SASH1: variants seen among roughly 807,000 people sequenced by gnomAD.
The protein encoded by SASH1 is SAM and SH3 domain-containing protein 1.
A neutral mutation model predicts 125.2 loss-of-function variants in SASH1; 44 were observed. The ratio of observed to expected loss-of-function variants is 0.35; its 90% CI spans 0.28 to 0.45. SASH1 has a LOEUF of 0.45. Among genes scored for constraint, SASH1 ranks in the 20% least tolerant of loss-of-function variants. The pLI is 1.00. For synonymous variants in SASH1, 639 were observed against 649.1 expected (o/e 0.98, Z 0.24); for missense variants, 1,426 against 1,614.5 (o/e 0.88, Z 2.00).
intron 4 of SASH1, among the ~76,000 whole-genome samples, chr6:148,455,130 A>G (rs1219225503): frequency 6.6e-6 from 1 of 152,196 alleles, no homozygotes; most frequent in Non-Finnish European, 1.5e-5. Context: ...AGGCCAAGCC[A>G]GTGGTTGCAA....
At chr6:148,332,194 T>TG (rs1370515078) in intron 1 of SASH1, among the ~76,000 whole-genome samples, 2 of 151,624 alleles carry the variant, frequency 1.3e-5, no homozygotes, top group Non-Finnish European at 2.9e-5. Flanking sequence ...AAGGCATTTG[T>TG]GGGGGAAAAA....
intron 2 of SASH1, among the ~76,000 whole-genome samples, chr6:148,394,627 T>A (rs1034410618): frequency 6.6e-6 from 1 of 152,160 alleles, no homozygotes; most frequent in African/African-American, 2.4e-5. Context: ...CTTTCTCTCT[T>A]TCTCTATCTC....
At chr6:148,427,051 G>A (rs1253059575) in intron 2 of SASH1, among the ~76,000 whole-genome samples, 1 of 152,054 alleles carries the variant, frequency 6.6e-6, no homozygotes, top group Non-Finnish European at 1.5e-5. Context: ...CTGAGGCAGG[G>A]GAATCACTTG....
At chr6:148,463,046 A>G (rs1027349963) in intron 4 of SASH1, among the ~76,000 whole-genome samples, 1 of 152,074 alleles carries the variant, frequency 6.6e-6, no homozygotes, top group African/African-American at 2.4e-5. Flanking sequence ...CTCCTACTCT[A>G]TGGTCTTACG....
intron 1 of SASH1, among the ~76,000 whole-genome samples, chr6:148,307,094 T>TTCTTTC (rs1240787953): frequency 8.3e-6 from 1 of 120,694 alleles, no homozygotes; most frequent in Admixed American, 8.8e-5. Context: ...CTTTCTTTCT[T>TTCTTTC]TCTCTCTCTC....
At chr6:148,437,957 C>A (rs1171086154) in intron 2 of SASH1, among the ~76,000 whole-genome samples, 1 of 151,890 alleles carries the variant, frequency 6.6e-6, no homozygotes, top group Non-Finnish European at 1.5e-5. Context: ...AAAATCTATT[C>A]AAAAAAATGC....
At chr6:148,461,459 G>C (rs1334286683) in intron 4 of SASH1, among the ~76,000 whole-genome samples, 1 of 152,142 alleles carries the variant, frequency 6.6e-6, no homozygotes, top group Non-Finnish European at 1.5e-5. Context: ...GCCAGATTTT[G>C]GCAATAGAAT....
chr6:148,387,614 T>TTCTCTCTC (rs1783477452), intron 1 of SASH1, among the ~76,000 whole-genome samples: 2 of 24,416 alleles, frequency 8.2e-5, no homozygotes, highest in Non-Finnish European at 1.6e-4. Context: ...CTTTCTTTCT[T>TTCTCTCTC]TCTTTCTTTC....
At chr6:148,212,064 G>A in the SASH1 span, among the ~76,000 whole-genome samples, 910 of 152,280 alleles carry the variant, frequency 6.0e-3, 6 homozygotes, top group African/African-American at 0.02. Flanking sequence ...ACCAACCAGC[G>A]TCACTGGGAG....
the SASH1 span, among the ~76,000 whole-genome samples, chr6:148,251,119 T>C: frequency 1.3e-5 from 2 of 152,290 alleles, no homozygotes; most frequent in East Asian, 3.9e-4. Flanking sequence ...CAGTGTAACA[T>C]CAAGTAGTTC....
At chr6:148,539,169 C>T (rs564478709) in intron 16 of SASH1, among the ~76,000 whole-genome samples, 5 of 152,060 alleles carry the variant, frequency 3.3e-5, no homozygotes, top group Admixed American at 2.6e-4. Context: ...AAGCCTTCCT[C>T]AGAATGAGGT....
chr6:148,410,348 A>G lies in SASH1; in HGVS notation c.285+20086A>G, dbSNP rs919169600. On this transcript the variant is annotated intron_variant, in intron 2 of 19. Coordinates refer to ENST00000367467, the MANE Select transcript of SASH1 (RefSeq NM_015278.5). ...CTGGTCTCGAACCCCTGACCTTGTGATCTGCCTGCCTCGGCCTCCCAACAG... is the reference window on the plus strand; with the variant it reads ...CTGGTCTCGAACCCCTGACCTTGTGGTCTGCCTGCCTCGGCCTCCCAACAG... 3.9e-5 allele frequency among the ~76,000 whole-genome samples: 6 copies of G among 151,998 alleles called. No homozygotes were observed. In the East Asian group the frequency reaches 5.9e-4, roughly 15 times the overall value.
intron 1 of SASH1, among the ~76,000 whole-genome samples, chr6:148,281,307 G>T (rs953386625): frequency 6.6e-6 from 1 of 152,032 alleles, no homozygotes; most frequent in South Asian, 2.1e-4. Flanking sequence ...CAACAGCCTG[G>T]AGATTCTGAG....
chr6:148,279,506 A>C (rs957114927), intron 1 of SASH1, among the ~76,000 whole-genome samples: 7 of 152,222 alleles, frequency 4.6e-5, no homozygotes, highest in Non-Finnish European at 1.0e-4. Flanking sequence ...ATGGGGTAGC[A>C]TGGGTTATCA....
intron 10 of SASH1, chr6:148,520,389 C>T (rs1233020613): frequency 6.1e-6 from 1 of 162,720 alleles, no homozygotes; most frequent in African/African-American, 2.4e-5. Context: ...GTCTGTGAGT[C>T]ACAAAGATGG....
At chr6:148,254,316 TAAC>T in the SASH1 span, among the ~76,000 whole-genome samples, 1 of 152,018 alleles carries the variant, frequency 6.6e-6, no homozygotes, top group Non-Finnish European at 1.5e-5. Flanking sequence ...CAAAGAGTGA[TAAC>T]AACTCAATAA....
At chr6:148,542,069 G>GTGAT (rs1278421625) in intron 17 of SASH1, among the ~76,000 whole-genome samples, 3 of 152,104 alleles carry the variant, frequency 2.0e-5, no homozygotes, top group African/African-American at 7.2e-5. Flanking sequence ...CCAACTGTTG[G>GTGAT]TGATTGGTAA....
chr6:148,547,927 A>G (rs759109985), intron 19 of SASH1, among the ~76,000 whole-genome samples: 16 of 152,230 alleles, frequency 1.1e-4, no homozygotes, highest in Admixed American at 2.6e-4. Flanking sequence ...ACTGAATGCT[A>G]CATTTCACAC....
intron 4 of SASH1, among the ~76,000 whole-genome samples, chr6:148,454,262 C>T (rs1777235102): frequency 1.3e-5 from 2 of 152,142 alleles, no homozygotes; most frequent in Non-Finnish European, 1.5e-5. Context: ...CAGCTGCTGC[C>T]CCATGCCAGC....
Sources: allele counts gnomAD v4.1 joint callset (sites outside exome capture counted in the v4.1 genomes callset), GRCh38; gene constraint gnomAD v4.1.1; transcripts MANE v1.5; gene names NCBI Gene and HGNC (gene_info 2026-07-23, HGNC 2026-07-21).